Variants in DPP6 observed in about 807,000 individuals in gnomAD.
DPP6 encodes the protein dipeptidyl peptidase like 6.
A neutral mutation model predicts 122.6 loss-of-function variants in DPP6; 69 were observed. The observed-to-expected ratio is 0.56, with a 90% CI of 0.46 to 0.69. The LOEUF is 0.69. DPP6 is among the 30% of genes least tolerant of loss of function. The pLI, the probability that DPP6 is intolerant of heterozygous loss-of-function variation, is 0.00. For synonymous variants in DPP6, 418 were observed against 433.1 expected (o/e 0.97, Z 0.43); for missense variants, 928 against 1,116.9 (o/e 0.83, Z 2.41).
At chr7:154,521,048 A>C (rs915956242) in intron 3 of DPP6, among the ~76,000 whole-genome samples, 1 of 152,176 alleles carries the variant, frequency 6.6e-6, no homozygotes, top group South Asian at 2.1e-4. Flanking sequence ...AGGTTTTTTA[A>C]ATAATAGAAT....
intron 1 of DPP6, among the ~76,000 whole-genome samples, chr7:154,365,373 ACAAG>A (rs1412218055): frequency 6.6e-6 from 1 of 152,198 alleles, no homozygotes; most frequent in African/African-American, 2.4e-5. Flanking sequence ...AATCCACAGG[ACAAG>A]GTGCGATCTC....
chr7:154,085,192 C>G lies in DPP6; in HGVS notation c.243+32129C>G, dbSNP rs190580888. ...AGCAGTTACTGACTTAGCCTACACA[C>G]TGGGCTGATATAGTTTCTCCATCTG... On this transcript the variant is annotated intron_variant, in intron 1 of 25. Transcript: ENST00000377770. Among the ~76,000 whole-genome samples, 124 of 152,308 alleles carry G rather than the reference C, an allele frequency of 8.1e-4. 1 individual carries two copies. The highest frequency in any genetic ancestry group is 2.9e-3 in the African/African-American group (122 of 41,554).
intron 1 of DPP6, among the ~76,000 whole-genome samples, chr7:154,109,768 TCCCCCA>T (rs1488033210): frequency 6.9e-6 from 1 of 143,922 alleles, no homozygotes; most frequent in African/African-American, 2.6e-5. Flanking sequence ...TTACCCTTTG[TCCCCCA>T]GTGGAGGGCA....
intron 2 of DPP6, 38 bp from the exon 3 acceptor site, chr7:154,474,901 G>A: frequency 6.6e-7 from 1 of 1,508,052 alleles, no homozygotes; most frequent in Non-Finnish European, 9.2e-7. Context: ...TACTAATTAT[G>A]AAACAAGCTT....
chr7:154,583,219 T>C (rs1832199537), intron 5 of DPP6, among the ~76,000 whole-genome samples: 1 of 152,222 alleles, frequency 6.6e-6, no homozygotes. Context: ...GACGTGTGTA[T>C]CTCAGAGTTC....
chr7:154,697,284 C>T (rs1290385303), intron 7 of DPP6, among the ~76,000 whole-genome samples: 2 of 152,204 alleles, frequency 1.3e-5, no homozygotes, highest in Non-Finnish European at 1.5e-5. Context: ...TTGGACAACC[C>T]AGGCCGCCAT....
chr7:154,083,098 C>T (rs1804147347), intron 1 of DPP6, among the ~76,000 whole-genome samples: 1 of 152,036 alleles, frequency 6.6e-6, no homozygotes, highest in South Asian at 2.1e-4. Context: ...ATCCGCCCAC[C>T]TCGACCTCCC....
intron 1 of DPP6, among the ~76,000 whole-genome samples, chr7:154,322,903 C>T (rs779115384): frequency 9.2e-5 from 14 of 152,204 alleles, no homozygotes; most frequent in South Asian, 2.1e-4. Flanking sequence ...TGGTTTCAAA[C>T]GCCATGAGCA....
chr7:154,133,529 G>T (rs911862175), intron 1 of DPP6, among the ~76,000 whole-genome samples: 3 of 152,174 alleles, frequency 2.0e-5, no homozygotes, highest in African/African-American at 7.2e-5. Context: ...GATGACATTA[G>T]TTAGGCATGA....
intron 1 of DPP6, among the ~76,000 whole-genome samples, chr7:154,029,627 A>ACC: frequency 6.7e-6 from 1 of 149,452 alleles, no homozygotes; most frequent in East Asian, 2.0e-4. Context: ...TAGGTGGATC[A>ACC]TGAGGTCAGG....
chr7:153,869,402 T>C, the DPP6 span, among the ~76,000 whole-genome samples: 1 of 152,256 alleles, frequency 6.6e-6, no homozygotes. Flanking sequence ...CTCACCATTA[T>C]GTAATGGCCT....
chr7:154,075,365 A>G (rs1264678933), intron 1 of DPP6, among the ~76,000 whole-genome samples: 1 of 152,008 alleles, frequency 6.6e-6, no homozygotes, highest in Non-Finnish European at 1.5e-5. Context: ...ACGCACGCCT[A>G]TAGCAGTACA....
At chr7:153,889,961 T>G (rs1337264438) in intron 1 of DPP6, among the ~76,000 whole-genome samples, 2 of 152,218 alleles carry the variant, frequency 1.3e-5, no homozygotes, top group African/African-American at 4.8e-5. Context: ...GAGTGATCAT[T>G]TAGGACTTAC....
intron 1 of DPP6, among the ~76,000 whole-genome samples, chr7:154,291,487 G>A (rs188157172): frequency 6.6e-6 from 1 of 152,254 alleles, no homozygotes; most frequent in East Asian, 1.9e-4. Context: ...TGGATTCCAT[G>A]CTCACTCACG....
intron 1 of DPP6, among the ~76,000 whole-genome samples, chr7:154,158,311 A>G (rs1410284440): frequency 1.3e-5 from 2 of 151,544 alleles, no homozygotes; most frequent in Non-Finnish European, 2.9e-5. Context: ...AATAATTTGG[A>G]TGGATATTCT....
At chr7:154,853,932 G>A in intron 17 of DPP6, 105 bp downstream of exon 17, 1 of 1,464,266 alleles carries the variant, frequency 6.8e-7, no homozygotes, top group Non-Finnish European at 9.4e-7. Context: ...AGAGACAGAG[G>A]GATGAGTCAT....
intron 1 of DPP6, among the ~76,000 whole-genome samples, chr7:154,331,674 G>A (rs1348717463): frequency 2.6e-5 from 4 of 152,140 alleles, no homozygotes; most frequent in South Asian, 2.1e-4. Context: ...ACATGGGAGC[G>A]TGCTGTGCTG....
intron 1 of DPP6, among the ~76,000 whole-genome samples, chr7:154,294,982 G>A (rs1324525422): frequency 3.3e-5 from 5 of 152,348 alleles, no homozygotes; most frequent in South Asian, 2.1e-4. Flanking sequence ...GGAGGTGACC[G>A]AGGAGGAGCA....
At chr7:154,336,761 T>C (rs934099000) in intron 1 of DPP6, among the ~76,000 whole-genome samples, 2 of 152,046 alleles carry the variant, frequency 1.3e-5, no homozygotes, top group Non-Finnish European at 2.9e-5. Context: ...GGGCGGGCCA[T>C]GGTTACAGAT....
Sources: gnomAD v4.1 joint callset for allele counts (sites outside exome capture counted in the v4.1 genomes callset) on GRCh38, gnomAD v4.1.1 for gene constraint, MANE v1.5 for transcripts, NCBI Gene and HGNC (gene_info 2026-07-23, HGNC 2026-07-21) for gene names.